The following PHKB variants were observed in gnomAD, a reference collection of about 807,000 sequenced individuals.
PHKB encodes the protein phosphorylase kinase regulatory subunit beta, also known as phosphorylase b kinase regulatory subunit beta.
Under a neutral mutation model 152.1 loss-of-function variants are expected in PHKB, and 122 were observed. The ratio of observed to expected loss-of-function variants is 0.80; its 90% CI spans 0.69 to 0.93. The LOEUF (loss-of-function observed/expected upper bound fraction) is 0.93. Ranked by LOEUF, PHKB falls within the 40% of genes least tolerant of loss-of-function variation. The pLI, the probability that PHKB is intolerant of heterozygous loss-of-function variation, is 0.00. For synonymous variants in PHKB, 436 were observed against 464.9 expected (o/e 0.94, Z 0.80); for missense variants, 1,304 against 1,328.4 (o/e 0.98, Z 0.29).
intron 2 of PHKB, among the ~76,000 whole-genome samples, chr16:47,498,392 T>C (rs1186571022): frequency 2.0e-5 from 3 of 152,178 alleles, no homozygotes; most frequent in African/African-American, 7.2e-5. Flanking sequence ...AAGATCAATT[T>C]AGAGGCTGGG....
intron 4 of PHKB, among the ~76,000 whole-genome samples, chr16:47,506,849 A>G (rs1970428158): frequency 2.0e-5 from 3 of 152,208 alleles, no homozygotes. Flanking sequence ...CAAATCTCAT[A>G]ATGTTTTAAG....
intron 4 of PHKB, among the ~76,000 whole-genome samples, chr16:47,506,400 A>G (rs1970420479): frequency 6.6e-6 from 1 of 152,242 alleles, no homozygotes; most frequent in Admixed American, 6.5e-5. Context: ...TGAGATTTGT[A>G]CAAATCAATA....
chr16:47,554,206 T>C (rs1296469503), intron 7 of PHKB, among the ~76,000 whole-genome samples: 1 of 152,028 alleles, frequency 6.6e-6, no homozygotes, highest in African/African-American at 2.4e-5. Flanking sequence ...TTTTCAGAGA[T>C]GCCCTACCCA....
intron 26 of PHKB, among the ~76,000 whole-genome samples, chr16:47,687,591 C>T (rs1443347657): frequency 5.3e-5 from 8 of 152,184 alleles, no homozygotes. Context: ...ATCTTTATTG[C>T]TCTTACCAAT....
intron 7 of PHKB, among the ~76,000 whole-genome samples, chr16:47,555,379 C>A (rs1048527254): frequency 6.6e-6 from 1 of 152,098 alleles, no homozygotes; most frequent in Non-Finnish European, 1.5e-5. Flanking sequence ...AGTTCTCATG[C>A]CTGCCAGTTA....
At chr16:47,617,760 C>T (rs776103912) in intron 14 of PHKB, among the ~76,000 whole-genome samples, 27 of 152,234 alleles carry the variant, frequency 1.8e-4, no homozygotes, top group Middle Eastern at 3.4e-3. Context: ...CCAGAGGTGA[C>T]GGAAATGTGA....
intron 14 of PHKB, among the ~76,000 whole-genome samples, chr16:47,621,363 A>T (rs983474195): frequency 6.6e-6 from 1 of 152,208 alleles, no homozygotes; most frequent in South Asian, 2.1e-4. Context: ...TGGTAGATAC[A>T]TTATATAGCA....
At chr16:47,678,843 C>G (rs1292399030) in intron 26 of PHKB, among the ~76,000 whole-genome samples, 1 of 152,132 alleles carries the variant, frequency 6.6e-6, no homozygotes, top group Non-Finnish European at 1.5e-5. Flanking sequence ...GCAGTCCTTG[C>G]CCATGCCTGT....
At chr16:47,507,114 C>CA (rs1341331397) in intron 4 of PHKB, among the ~76,000 whole-genome samples, 1 of 152,126 alleles carries the variant, frequency 6.6e-6, no homozygotes. Flanking sequence ...GCTGGGGCTA[C>CA]AGGCATGCAC....
At chr16:47,485,267 T>C (rs1970030247) in intron 1 of PHKB, among the ~76,000 whole-genome samples, 1 of 152,202 alleles carries the variant, frequency 6.6e-6, no homozygotes, top group African/African-American at 2.4e-5. Context: ...GTGCAGAAAA[T>C]AAATCATGGT....
Position 47,669,384 on chromosome 16 carries a change from AG to A in PHKB, c.2598del (p.Glu866AspfsTer7). On this transcript the variant is annotated frameshift_variant, in exon 26 of 31. Coordinates refer to ENST00000323584, the MANE Select transcript of PHKB (RefSeq NM_000293.3). LOFTEE classifies it high-confidence loss of function. ...HIGWIISNNP[E>X]LFSGMLKIRI... ...GGCTGGATCATCTCCAATAACCCTG[AG>A]TTATTCAGTGGCATGCTGAAAATAC... The A allele has an allele frequency of 6.2e-7, 1 of 1,614,094 alleles. No individual in the cohort carries two copies. Among genetic ancestry groups the A allele is most frequent in the Non-Finnish European group, 8.5e-7 (1 of 1,179,946 alleles).
intron 7 of PHKB, among the ~76,000 whole-genome samples, chr16:47,571,044 G>A (rs192876871): frequency 1.3e-5 from 2 of 152,116 alleles, no homozygotes; most frequent in African/African-American, 4.8e-5. Context: ...CAGTGGCAAA[G>A]TCTCTGTTGA....
At chr16:47,670,304 C>T (rs1393351294) in intron 26 of PHKB, among the ~76,000 whole-genome samples, 1 of 152,084 alleles carries the variant, frequency 6.6e-6, no homozygotes, top group Non-Finnish European at 1.5e-5. Flanking sequence ...CTGTTGGGTG[C>T]AAACATACAT....
intron 1 of PHKB, among the ~76,000 whole-genome samples, chr16:47,467,623 A>AT (rs1969690625): frequency 6.6e-6 from 1 of 152,162 alleles, no homozygotes. Flanking sequence ...ATCTTATAAG[A>AT]TTTAGGAAAT....
Position 47,641,686 on chromosome 16 carries a change from T to G in PHKB, c.1602T>G (p.Leu534=). The change falls in exon 16 of 31, where the codon CTT becomes CTG. Residue 534 remains leucine, a synonymous_variant. Coordinates refer to ENST00000323584, the MANE Select transcript of PHKB (RefSeq NM_000293.3). ...EPIQIWPQQE[L]VKAYLQLGIN... is the part of the protein sequence containing the mutation. ...TTCAGATATGGCCTCAGCAGGAGCT[T>G]GTGAAAGTAAGTGATTCTGCCTTTT... 1 of 1,559,578 alleles carries G rather than the reference T, an allele frequency of 6.4e-7. No homozygotes were observed. The highest frequency in any genetic ancestry group is 8.8e-7 in the Non-Finnish European group (1 of 1,130,352).
intron 8 of PHKB, among the ~76,000 whole-genome samples, chr16:47,584,944 T>G (rs1971910360): frequency 6.6e-6 from 1 of 152,212 alleles, no homozygotes; most frequent in South Asian, 2.1e-4. Flanking sequence ...AAGTCTTATG[T>G]TTACAGTTGG....
intron 13 of PHKB, among the ~76,000 whole-genome samples, chr16:47,606,575 T>G (rs1247891874): frequency 3.9e-5 from 6 of 152,222 alleles, no homozygotes; most frequent in African/African-American, 1.4e-4. Flanking sequence ...TTCAATTAAT[T>G]TGCACATGTG....
chr16:47,565,104 C>T (rs568856431), intron 7 of PHKB: 4 of 498,702 alleles, frequency 8.0e-6, no homozygotes, highest in African/African-American at 3.9e-5. Flanking sequence ...TCTTCTCCCT[C>T]GTTTTCATTT....
intron 14 of PHKB, among the ~76,000 whole-genome samples, chr16:47,613,022 T>C (rs1355724144): frequency 6.6e-6 from 1 of 152,176 alleles, no homozygotes; most frequent in Non-Finnish European, 1.5e-5. Flanking sequence ...CACTAGGTGC[T>C]TTAAACCCTA....
Sources: gnomAD v4.1 joint callset for allele counts (sites outside exome capture counted in the v4.1 genomes callset) on GRCh38, gnomAD v4.1.1 for gene constraint, MANE v1.5 for transcripts, NCBI Gene and HGNC (gene_info 2026-07-23, HGNC 2026-07-21) for gene names.